Variants in NRG2 observed in about 807,000 individuals in gnomAD.
The protein encoded by NRG2 is pro-neuregulin-2, membrane-bound isoform.
In NRG2, 27 loss-of-function variants were observed where a neutral mutation model predicts 73.9. The ratio of observed to expected loss-of-function variants is 0.37; its 90% CI spans 0.27 to 0.50. The LOEUF is 0.50. NRG2 is among the 20% of genes least tolerant of loss of function. NRG2 has a pLI of 0.96. For synonymous variants in NRG2, 532 were observed against 541.0 expected (o/e 0.98, Z 0.23); for missense variants, 1,126 against 1,210.1 (o/e 0.93, Z 1.03).
chr5:139,910,696 C>A (rs1036518809), intron 1 of NRG2, among the ~76,000 whole-genome samples: 3 of 152,098 alleles, frequency 2.0e-5, no homozygotes, highest in African/African-American at 7.2e-5. Context: ...TGACCCTGTC[C>A]CCTTTTCCTT....
intron 1 of NRG2, among the ~76,000 whole-genome samples, chr5:140,004,897 G>T (rs1407379926): frequency 1.3e-5 from 2 of 152,154 alleles, no homozygotes; most frequent in Non-Finnish European, 2.9e-5. Context: ...GGGAAATTGG[G>T]TGAGGTTTGT....
At chr5:139,990,273 A>ATATTTTATTTTATTTTATTT (rs56983805) in intron 1 of NRG2, among the ~76,000 whole-genome samples, 6 of 145,840 alleles carry the variant, frequency 4.1e-5, no homozygotes, top group African/African-American at 1.3e-4. Flanking sequence ...CCCACTAGCA[A>ATATTTTATTTTATTTTATTT]TATTTTATTT....
At chr5:139,922,484 C>T (rs1751748536) in intron 1 of NRG2, among the ~76,000 whole-genome samples, 2 of 152,230 alleles carry the variant, frequency 1.3e-5, no homozygotes, top group Admixed American at 6.5e-5. Flanking sequence ...AACAGGATCT[C>T]TCAATCATTG....
At chr5:140,002,000 T>C (rs1405878593) in intron 1 of NRG2, among the ~76,000 whole-genome samples, 1 of 151,890 alleles carries the variant, frequency 6.6e-6, no homozygotes, top group African/African-American at 2.4e-5. Context: ...CTGGGCAACA[T>C]AGGGAGACCC....
At chr5:139,893,653 G>A (rs992916539) in intron 1 of NRG2, among the ~76,000 whole-genome samples, 2 of 152,154 alleles carry the variant, frequency 1.3e-5, no homozygotes, top group East Asian at 1.9e-4. Context: ...AGCACCCTCT[G>A]CTGAGCTCCC....
chr5:139,957,172 G>GGAT (rs1487308167), intron 1 of NRG2, among the ~76,000 whole-genome samples: 43 of 152,294 alleles, frequency 2.8e-4, no homozygotes, highest in African/African-American at 1.0e-3. Context: ...TGGTTACATA[G>GGAT]CTTTGGGCTG....
chr5:139,916,993 A>C (rs1051428337), intron 1 of NRG2, among the ~76,000 whole-genome samples: 1 of 152,178 alleles, frequency 6.6e-6, no homozygotes, highest in African/African-American at 2.4e-5. Flanking sequence ...GAACTGCCAG[A>C]TCGTTTTCCA....
At chr5:139,912,528 T>TAG (rs924941400) in intron 1 of NRG2, among the ~76,000 whole-genome samples, 6 of 152,078 alleles carry the variant, frequency 3.9e-5, no homozygotes, top group African/African-American at 1.4e-4. Flanking sequence ...TCAGGGACCC[T>TAG]AGAGACCCAG....
In NRG2 at chr5:139,865,860, G is replaced by A. The variant is rs1311651829; in HGVS notation, c.1113-235C>T. Among the ~76,000 whole-genome samples the A allele has an allele frequency of 6.6e-6, 1 of 152,172 alleles. No individual in the cohort carries two copies. Among genetic ancestry groups the A allele is most frequent in the East Asian group, 1.9e-4 (1 of 5,168 alleles). Reference sequence around the variant, plus strand: ...TGGGGAAGGTGGGGTGGGTCAGGGGGAGGATGATTTAGGTAAGTGGGGTGA... The same window carrying A: ...TGGGGAAGGTGGGGTGGGTCAGGGGAAGGATGATTTAGGTAAGTGGGGTGA... On this transcript the variant is annotated intron_variant, in intron 4 of 9. Coordinates refer to ENST00000361474, the MANE Select transcript of NRG2 (RefSeq NM_004883.3). This position sits in a 1 kb window ranked among gnomAD's most constrained non-coding sequence, Gnocchi z 5.2.
chr5:139,916,838 A>G (rs1176308617), intron 1 of NRG2, among the ~76,000 whole-genome samples: 9 of 152,240 alleles, frequency 5.9e-5, no homozygotes, highest in Non-Finnish European at 1.3e-4. Context: ...TTCGGCTATT[A>G]CAAATAATAC....
Position 140,010,185 on chromosome 5 carries a change from C to A in NRG2, c.700+32185G>T, listed in dbSNP as rs1759248822. Among the ~76,000 whole-genome samples the A allele has an allele frequency of 2.0e-5, 3 of 152,042 alleles. No individual in the cohort carries two copies. In the South Asian group the frequency reaches 6.2e-4, roughly 32 times the overall value. ...TGGTGGCAGGTGCCTGTAATCCCAGCTACTTGGGAAACTGAGACATGAGAA... is the reference window on the plus strand; with the variant it reads ...TGGTGGCAGGTGCCTGTAATCCCAGATACTTGGGAAACTGAGACATGAGAA... On this transcript the variant is annotated intron_variant, in intron 1 of 9. Transcript: ENST00000361474.
intron 1 of NRG2, among the ~76,000 whole-genome samples, chr5:139,912,468 C>T (rs1408254777): frequency 6.6e-6 from 1 of 152,118 alleles, no homozygotes; most frequent in African/African-American, 2.4e-5. Flanking sequence ...TGGGAATTTC[C>T]TCAATGGACG....
chr5:139,977,778 G>A (rs1402434126), intron 1 of NRG2, among the ~76,000 whole-genome samples: 7 of 152,176 alleles, frequency 4.6e-5, no homozygotes, highest in Non-Finnish European at 4.4e-5. Context: ...AGAGCCCTCA[G>A]AAATAATGCC....
chr5:139,949,767 T>G (rs766584202), intron 1 of NRG2, among the ~76,000 whole-genome samples: 4 of 152,224 alleles, frequency 2.6e-5, no homozygotes, highest in Non-Finnish European at 5.9e-5. Context: ...AAAGAAGGCT[T>G]TGCTGGGTGT....
At chr5:140,039,129 A>C (rs1761718791) in intron 1 of NRG2, among the ~76,000 whole-genome samples, 1 of 152,214 alleles carries the variant, frequency 6.6e-6, no homozygotes, top group African/African-American at 2.4e-5. Flanking sequence ...CTAATCAGGA[A>C]ATCCCAAAGA....
At chr5:140,041,347 T>C (rs1761901704) in intron 1 of NRG2, among the ~76,000 whole-genome samples, 1 of 152,190 alleles carries the variant, frequency 6.6e-6, no homozygotes, top group South Asian at 2.1e-4. Flanking sequence ...TACTCCAGTG[T>C]GGGACAATTT....
chr5:140,032,411 TGA>T (rs1761222839), intron 1 of NRG2, among the ~76,000 whole-genome samples: 1 of 151,892 alleles, frequency 6.6e-6, no homozygotes, highest in African/African-American at 2.4e-5. Context: ...TATGGACTAT[TGA>T]GAGAAAAAAA....
rs1446972361 is a variant in NRG2 at position 139,847,184 on chromosome 5, G to C, written c.*733C>G. On this transcript the variant is annotated 3_prime_UTR_variant, in exon 10 of 10. Transcript: ENST00000361474. Reference sequence around the variant, plus strand: ...AAGGTGCTGCAGAGGACGGAGGGGCGTCCTGGAGGCTGTGGGGGACAGGAG... The same window carrying C: ...AAGGTGCTGCAGAGGACGGAGGGGCCTCCTGGAGGCTGTGGGGGACAGGAG... The C allele has an allele frequency of 6.6e-6, 1 of 152,238 alleles. No homozygotes were observed. The highest frequency in any genetic ancestry group is 2.4e-5 in the African/African-American group (1 of 41,428). The allele number at this position is 152,238 out of a possible 1,614,324, so 9.4% of individuals were successfully genotyped here.
chr5:139,944,683 A>C (rs549612081), intron 1 of NRG2, among the ~76,000 whole-genome samples: 92 of 152,290 alleles, frequency 6.0e-4, no homozygotes, highest in Non-Finnish European at 9.1e-4. Context: ...GGTTGATTCC[A>C]TGTCTTCACT....
Sources: gnomAD v4.1 joint callset for allele counts (sites outside exome capture counted in the v4.1 genomes callset) on GRCh38, gnomAD v4.1.1 for gene constraint, Gnocchi (gnomAD v3.1) non-coding constraint, MANE v1.5 for transcripts, NCBI Gene and HGNC (gene_info 2026-07-23, HGNC 2026-07-21) for gene names.